The following FKTN variants were observed in gnomAD, a reference collection of about 807,000 sequenced individuals.
FKTN encodes ribitol-5-phosphate transferase FKTN.
FKTN carries 47 observed loss-of-function variants against 58.6 expected under a neutral mutation model. The observed-to-expected ratio is 0.80, with a 90% confidence interval of 0.63 to 1.02. The LOEUF (loss-of-function observed/expected upper bound fraction) is 1.02, where lower values mean the gene tolerates loss of function less well. Among genes scored for constraint, FKTN ranks in the 50% least tolerant of loss-of-function variants. FKTN has a pLI of 0.00. For missense variants in FKTN, 516 were observed against 537.3 expected (o/e 0.96, Z 0.39); for synonymous variants, 178 against 191.9 (o/e 0.93, Z 0.60).
At chr9:105,588,817 G>A (rs950799431) in intron 3 of FKTN, among the ~76,000 whole-genome samples, 1 of 152,206 alleles carries the variant, frequency 6.6e-6, no homozygotes, top group Non-Finnish European at 1.5e-5. Context: ...ACCATACTCT[G>A]TTCTTGGGGA....
At chr9:105,592,229 G>A (rs1386916610) in intron 3 of FKTN, among the ~76,000 whole-genome samples, 3 of 152,168 alleles carry the variant, frequency 2.0e-5, no homozygotes, top group Non-Finnish European at 2.9e-5. Context: ...TTCCAAACAT[G>A]TATGCCCTGC....
chr9:105,614,027 G>A (rs1220814526), intron 7 of FKTN, among the ~76,000 whole-genome samples: 1 of 152,114 alleles, frequency 6.6e-6, no homozygotes, highest in Admixed American at 6.6e-5. Flanking sequence ...AAGTTATTGT[G>A]GTATATTTGG....
intron 2 of FKTN, chr9:105,574,173 T>C (rs1305098675): frequency 6.6e-6 from 1 of 152,000 alleles, no homozygotes; most frequent in African/African-American, 2.4e-5. Context: ...TAGTATAAAT[T>C]TGTTGGTTTC....
At chr9:105,583,983 T>C (rs1843470673) in intron 3 of FKTN, among the ~76,000 whole-genome samples, 1 of 152,244 alleles carries the variant, frequency 6.6e-6, no homozygotes, top group African/African-American at 2.4e-5. Context: ...AAAGAACTGC[T>C]GTCTCAACCC....
At chr9:105,632,708 G>A (rs1403000690) in intron 10 of FKTN, among the ~76,000 whole-genome samples, 1 of 152,118 alleles carries the variant, frequency 6.6e-6, no homozygotes, top group Non-Finnish European at 1.5e-5. Context: ...TTGAACTACT[G>A]TTTTATGTAA....
intron 3 of FKTN, among the ~76,000 whole-genome samples, chr9:105,588,313 T>TC (rs1844264747): frequency 6.6e-6 from 1 of 152,240 alleles, no homozygotes; most frequent in Non-Finnish European, 1.5e-5. Flanking sequence ...TTTATTCATT[T>TC]CCCGTAAATT....
In FKTN at chr9:105,604,345, C is replaced by A; in HGVS notation, c.500C>A (p.Ala167Asp). The A allele has an allele frequency of 6.2e-7, 1 of 1,614,114 alleles. No individual in the cohort carries two copies. The highest frequency in any genetic ancestry group is 8.5e-7 in the Non-Finnish European group (1 of 1,179,986). ...CCCCTGCACTATATCTGCAAACTGG[C>A]CACTCATGCGATCCACTTGGTAGTC... The part of the protein sequence containing the change: ...EIPLHYICKL[A>D]THAIHLVVFH... The change falls in exon 6 of 11, where the codon GCC becomes GAC. Residue 167 changes from alanine to aspartate, a missense_variant. Physicochemically the swap from Ala to Asp is moderately radical, Grantham distance 126. Transcript: ENST00000357998.
chr9:105,605,240 A>G (rs1828682889), intron 6 of FKTN, among the ~76,000 whole-genome samples: 1 of 152,132 alleles, frequency 6.6e-6, no homozygotes, highest in African/African-American at 2.4e-5. Flanking sequence ...TTAAAGGCTG[A>G]GACCATAACT....
intron 3 of FKTN, among the ~76,000 whole-genome samples, chr9:105,575,958 C>T (rs1841596894): frequency 6.6e-6 from 1 of 151,800 alleles, no homozygotes; most frequent in African/African-American, 2.4e-5. Flanking sequence ...TTTTATGCTC[C>T]CCTGACCTAT....
At chr9:105,615,451 C>T in intron 8 of FKTN, 44 bp downstream of exon 8, 1 of 1,603,138 alleles carries the variant, frequency 6.2e-7, no homozygotes, top group Non-Finnish European at 8.5e-7. Flanking sequence ...GTCATTTTGT[C>T]CTCTGGCTTT....
At position 105,571,420 on chromosome 9, in the gene FKTN, T is replaced by C. The variant is rs149010809; in HGVS notation, c.-180-2235T>C. 9.0e-3 allele frequency among the ~76,000 whole-genome samples: 1,377 copies of C among 152,310 alleles called. 21 individuals carry two copies. Among genetic ancestry groups the C allele is most frequent in the African/African-American group, 0.032 (1,319 of 41,564 alleles). ...TTTCTCTTTTGTGACTGAATTGCCT[T>C]GGCATTTATAGAAAATAAATAATGA... On this transcript the variant is annotated intron_variant, in intron 1 of 10. Coordinates refer to ENST00000357998, the MANE Select transcript of FKTN (RefSeq NM_001079802.2).
At position 105,630,201 on chromosome 9, in the gene FKTN, TA is replaced by T. The variant is rs199976867; in HGVS notation, c.1173-4842del. Among the ~76,000 whole-genome samples the T allele has an allele frequency of 1.1e-3, 162 of 151,636 alleles. 1 individual carries two copies. The East Asian group carries it at 0.025, about 23-fold the overall frequency. On this transcript the variant is annotated intron_variant, in intron 10 of 10. Coordinates refer to ENST00000357998, the MANE Select transcript of FKTN (RefSeq NM_001079802.2). The stretch of plus-strand genomic sequence containing the variant: ...TGTACCCTAGAACTTCAAGTATAAT[TA>T]AAAAAAAGAAAAAAGAAAAATCTGG...
At chr9:105,583,528 T>C (rs1034382180) in intron 3 of FKTN, among the ~76,000 whole-genome samples, 12 of 152,336 alleles carry the variant, frequency 7.9e-5, no homozygotes, top group African/African-American at 2.9e-4. Context: ...TCTTACTTCT[T>C]CTTATTTGTG....
chr9:105,615,510 A>AC, intron 8 of FKTN, 103 bp downstream of exon 8: 1 of 1,101,532 alleles, frequency 9.1e-7, no homozygotes, highest in Non-Finnish European at 1.4e-6. Context: ...TTGAAGTGTC[A>AC]TGTGTATAGA....
chr9:105,612,987 A>T (rs1339882720), intron 7 of FKTN, among the ~76,000 whole-genome samples: 1 of 151,996 alleles, frequency 6.6e-6, no homozygotes, highest in Non-Finnish European at 1.5e-5. Flanking sequence ...AAAGAAATGG[A>T]ATTTCTGAGA....
chr9:105,573,151 C>T (rs1166569479), intron 1 of FKTN, among the ~76,000 whole-genome samples: 1 of 151,916 alleles, frequency 6.6e-6, no homozygotes, highest in Non-Finnish European at 1.5e-5. Context: ...AGGAGAATTG[C>T]TTGAACCCAG....
At chr9:105,609,551 CAT>C (rs1468447339) in intron 7 of FKTN, among the ~76,000 whole-genome samples, 2 of 152,172 alleles carry the variant, frequency 1.3e-5, no homozygotes, top group Non-Finnish European at 2.9e-5. Context: ...TTCAGAATCA[CAT>C]GTTGTCTTAA....
In FKTN at chr9:105,635,191, G is replaced by GCT. The variant is rs886042778; in HGVS notation, c.1317_1318dup (p.Pro440LeufsTer28). On this transcript the variant is annotated frameshift_variant, in exon 11 of 11. Coordinates refer to ENST00000357998, the MANE Select transcript of FKTN (RefSeq NM_001079802.2). LOFTEE classifies it high-confidence loss of function. ...CCTGTAAAGACGTGGGACTGGAAGC[G>GCT]CTCTCCTCCCAATGTGCAACCCAAT... The GCT allele has an allele frequency of 1.2e-6, 2 of 1,614,138 alleles. No homozygotes were observed. Among genetic ancestry groups the GCT allele is most frequent in the Non-Finnish European group, 1.7e-6 (2 of 1,180,002 alleles).
At chr9:105,622,988 T>C (rs1431788818) in intron 10 of FKTN, 1 of 152,124 alleles carries the variant, frequency 6.6e-6, no homozygotes, top group Non-Finnish European at 1.5e-5. Context: ...GCCCTTCTTT[T>C]ACCTGAAATC....
Sources: allele counts gnomAD v4.1 joint callset (sites outside exome capture counted in the v4.1 genomes callset), GRCh38; gene constraint gnomAD v4.1.1; transcripts MANE v1.5; gene names NCBI Gene and HGNC (gene_info 2026-07-23, HGNC 2026-07-21).